RNF130: variants seen among roughly 807,000 people sequenced by gnomAD.
RNF130 encodes ring finger protein 130.
Under a neutral mutation model 44.6 loss-of-function variants are expected in RNF130, and 21 were observed. The observed-to-expected ratio is 0.47, with a 90% CI of 0.33 to 0.68. RNF130 has a LOEUF of 0.68. Among genes scored for constraint, RNF130 ranks in the 30% least tolerant of loss-of-function variants. The probability of loss-of-function intolerance (pLI) is 0.02; values close to 1 mark genes in which losing one functional copy is unlikely to be tolerated. For missense variants in RNF130, 479 were observed against 560.6 expected (o/e 0.85, Z 1.47); for synonymous variants, 214 against 210.4 (o/e 1.02, Z -0.15).
rs78179066 is a variant in RNF130 at position 180,059,244 on chromosome 5, C to T, written c.247+12212G>A. On this transcript the variant is annotated intron_variant, in intron 1 of 8. Coordinates refer to ENST00000521389, the MANE Select transcript of RNF130 (RefSeq NM_018434.6). ...CCTCTCAGTGTAATATCTGCTCATG[C>T]TGCCGTCTCAGCTGAAACATCATTT... is the stretch of plus-strand genomic sequence containing the variant. Among the ~76,000 whole-genome samples, 840 of 152,330 alleles carry T rather than the reference C, an allele frequency of 5.5e-3. 7 individuals are homozygous for T. The highest frequency in any genetic ancestry group is 9.6e-3 in the Non-Finnish European group (652 of 68,020).
intron 3 of RNF130, among the ~76,000 whole-genome samples, chr5:180,002,103 T>C (rs548452044): frequency 2.9e-4 from 44 of 152,322 alleles, no homozygotes; most frequent in Non-Finnish European, 5.3e-4. Flanking sequence ...CTGCTTCAGC[T>C]TAGGTACTGG....
At chr5:180,045,618 G>C (rs973595571) in intron 1 of RNF130, among the ~76,000 whole-genome samples, 9 of 152,172 alleles carry the variant, frequency 5.9e-5, no homozygotes, top group Middle Eastern at 3.2e-3. Context: ...TTTACAGAGA[G>C]CTGATTGGCC....
chr5:179,986,614 A>G (rs1678854044), intron 3 of RNF130, among the ~76,000 whole-genome samples: 1 of 152,246 alleles, frequency 6.6e-6, no homozygotes. Context: ...TGGCTATGAA[A>G]TTATTACATT....
At chr5:180,046,600 C>T (rs1012180036) in intron 1 of RNF130, among the ~76,000 whole-genome samples, 12 of 152,148 alleles carry the variant, frequency 7.9e-5, no homozygotes, top group South Asian at 4.1e-4. Context: ...TCAAAACAGG[C>T]GGCCGCACAG....
In RNF130 at chr5:179,977,849, C is replaced by T. The variant is rs186956264; in HGVS notation, c.848+354G>A. ...AGCCTGGGGTGACAGAGCGAGACTC[C>T]GTCTCAAAAAATAAATAAATAAATA... On this transcript the variant is annotated intron_variant, in intron 5 of 8. Coordinates refer to ENST00000521389, the MANE Select transcript of RNF130 (RefSeq NM_018434.6). The surrounding 1 kb of genome is among the most constrained non-coding windows in gnomAD (Gnocchi z 4.1). Among the ~76,000 whole-genome samples the T allele has an allele frequency of 1.3e-5, 2 of 152,010 alleles. No homozygotes were observed. The highest frequency in any genetic ancestry group is 2.9e-5 in the Non-Finnish European group (2 of 67,992).
intron 7 of RNF130, among the ~76,000 whole-genome samples, chr5:179,942,476 G>T (rs941327307): frequency 3.3e-5 from 5 of 152,056 alleles, no homozygotes; most frequent in African/African-American, 1.2e-4. Flanking sequence ...TCTTAGTCTC[G>T]AATTTAAGTA....
downstream of RNF130, among the ~76,000 whole-genome samples, chr5:179,951,105 C>T (rs922562204): frequency 9.9e-5 from 15 of 152,108 alleles, no homozygotes; most frequent in Non-Finnish European, 1.8e-4. Context: ...GGCCACTGAA[C>T]CAGGGAATCT....
At chr5:180,039,327 C>T (rs1239780484) in intron 2 of RNF130, among the ~76,000 whole-genome samples, 2 of 151,972 alleles carry the variant, frequency 1.3e-5, no homozygotes, top group Non-Finnish European at 2.9e-5. Flanking sequence ...GCAACCTCCA[C>T]CTCCTGGGCT....
At chr5:180,069,233 A>C (rs907266931) in intron 1 of RNF130, among the ~76,000 whole-genome samples, 6 of 152,214 alleles carry the variant, frequency 3.9e-5, no homozygotes, top group Non-Finnish European at 7.3e-5. Flanking sequence ...TATGCTTCAT[A>C]GAGACGGATT....
intron 2 of RNF130, among the ~76,000 whole-genome samples, chr5:180,033,315 T>C (rs996539784): frequency 6.6e-6 from 1 of 152,218 alleles, no homozygotes; most frequent in Non-Finnish European, 1.5e-5. Context: ...GTAATGTTTG[T>C]AGGTTCAATG....
intron 6 of RNF130, 134 bp downstream of exon 6, chr5:179,970,276 G>C (rs1037247822): frequency 8.4e-5 from 51 of 608,318 alleles, no homozygotes; most frequent in Non-Finnish European, 1.2e-4. Context: ...GGCTTACATG[G>C]TTACATGGCA....
At chr5:180,005,550 ACACT>A (rs1763447077) in intron 3 of RNF130, among the ~76,000 whole-genome samples, 1 of 152,174 alleles carries the variant, frequency 6.6e-6, no homozygotes, top group African/African-American at 2.4e-5. Context: ...TATCAGCTCA[ACACT>A]CACAAGTCTC....
chr5:179,994,585 C>T lies in RNF130; in HGVS notation c.694-14385G>A, dbSNP rs1397101201. 2.0e-5 allele frequency among the ~76,000 whole-genome samples: 3 copies of T among 152,062 alleles called. No homozygotes were observed. In the East Asian group the frequency reaches 5.8e-4, roughly 29 times the overall value. On this transcript the variant is annotated intron_variant, in intron 3 of 8. Coordinates refer to ENST00000521389, the MANE Select transcript of RNF130 (RefSeq NM_018434.6). ...CTGAGTGTGTTCAGTAGCAAATATT[C>T]TAGGATTTCCTTGGATATAAACAGC...
intron 2 of RNF130, among the ~76,000 whole-genome samples, chr5:180,028,754 G>A (rs1764052266): frequency 6.6e-6 from 1 of 152,088 alleles, no homozygotes; most frequent in Non-Finnish European, 1.5e-5. Flanking sequence ...CATATAGCAG[G>A]TATAAATCGA....
intron 1 of RNF130, among the ~76,000 whole-genome samples, chr5:180,065,750 ACT>A (rs1454932716): frequency 6.8e-6 from 1 of 146,226 alleles, no homozygotes; most frequent in Non-Finnish European, 1.5e-5. Flanking sequence ...ACAGAGTGAG[ACT>A]CTGTCTCAAA....
At chr5:179,936,338 G>C (rs1166590700) in intron 7 of RNF130, among the ~76,000 whole-genome samples, 3 of 152,144 alleles carry the variant, frequency 2.0e-5, no homozygotes, top group Non-Finnish European at 4.4e-5. Context: ...CTGAGCTCAA[G>C]TGATCCTCCT....
At position 179,955,339 on chromosome 5, in the gene RNF130, G is replaced by GT. The variant is rs1762189497; in HGVS notation, c.*314dup. The GT allele has an allele frequency of 1.4e-5, 4 of 286,728 alleles. No individual in the cohort carries two copies. The highest frequency in any genetic ancestry group is 2.2e-4 in the South Asian group (2 of 9,196). 17.8% of individuals were successfully genotyped at this position (286,728 alleles called of 1,614,324 possible). A position where few individuals can be genotyped will look rare whatever the true frequency, so the allele number is the denominator to read the frequency against. On this transcript the variant is annotated 3_prime_UTR_variant, in exon 9 of 9. Coordinates refer to ENST00000521389, the MANE Select transcript of RNF130 (RefSeq NM_018434.6). ...AGGAGCCAATGTGAAGACACCAATA[G>GT]TAAGTGTCAATCCCTGTTCCTCTCA...
intron 7 of RNF130, among the ~76,000 whole-genome samples, chr5:179,938,081 C>T (rs1174307372): frequency 1.3e-5 from 2 of 151,970 alleles, no homozygotes; most frequent in Admixed American, 6.6e-5. Flanking sequence ...CTCAGCCTCC[C>T]GAGTAGCTGG....
intron 7 of RNF130, chr5:179,940,008 T>C (rs1484559528): frequency 1.3e-5 from 3 of 224,950 alleles, no homozygotes; most frequent in Non-Finnish European, 2.6e-5. Context: ...ACTGCTCATC[T>C]GAATTTTCTC....
Sources: gnomAD v4.1 joint callset for allele counts (sites outside exome capture counted in the v4.1 genomes callset) on GRCh38, gnomAD v4.1.1 for gene constraint, Gnocchi (gnomAD v3.1) non-coding constraint, MANE v1.5 for transcripts, NCBI Gene and HGNC (gene_info 2026-07-23, HGNC 2026-07-21) for gene names.